Variants in STK38L observed in about 807,000 individuals in gnomAD.
STK38L encodes serine/threonine kinase 38 like, also known as serine/threonine-protein kinase 38-like.
A neutral mutation model predicts 59.7 loss-of-function variants in STK38L; 28 were observed. That is an observed-to-expected ratio of 0.47 (90% CI 0.35 to 0.64). The LOEUF (loss-of-function observed/expected upper bound fraction) is 0.64, where lower values mean the gene tolerates loss of function less well. STK38L is among the 30% of genes least tolerant of loss of function. STK38L has a pLI of 0.01. For synonymous variants in STK38L, 162 were observed against 176.8 expected, an observed-to-expected ratio of 0.92 and a Z score of 0.66; for missense variants, 314 against 555.8, an observed-to-expected ratio of 0.56 and a Z score of 4.37.
chr12:27,293,107 A>C (rs1031242753), intron 1 of STK38L, among the ~76,000 whole-genome samples: 5 of 152,192 alleles, frequency 3.3e-5, no homozygotes, highest in African/African-American at 1.2e-4. Context: ...ATGTGCCACC[A>C]TGCCTGGCTC....
chr12:27,268,268 T>G (rs796134356), intron 1 of STK38L, among the ~76,000 whole-genome samples: 22 of 152,162 alleles, frequency 1.4e-4, no homozygotes, highest in African/African-American at 4.6e-4. Flanking sequence ...CCCTCCCCCT[T>G]TCCCCCCACC....
rs769360568 is a variant in STK38L, at chr12:27,322,208, TC to T, written c.1244del (p.Pro415LeufsTer35). 6.2e-7 allele frequency: 1 copy of T among 1,613,822 alleles called. No individual in the cohort carries two copies. Among genetic ancestry groups the T allele is most frequent in the Non-Finnish European group, 8.5e-7 (1 of 1,179,940 alleles). On this transcript the variant is annotated frameshift_variant, in exon 13 of 14. Coordinates refer to ENST00000389032, the MANE Select transcript of STK38L (RefSeq NM_015000.4). LOFTEE classifies it low-confidence loss of function (END_TRUNC). Reference protein sequence around the residue: ...SIDDTSNFDDFPESDILQPVP... With the variant: ...SIDDTSNFDDXPESDILQPVP... ...GATGATACTTCAAATTTTGATGACTTCCCTGAATCTGATATTTTACAACCAG... is the reference window on the plus strand; with the variant it reads ...GATGATACTTCAAATTTTGATGACTTCCTGAATCTGATATTTTACAACCAG...
chr12:27,292,201 C>T (rs1441964508), intron 1 of STK38L, among the ~76,000 whole-genome samples: 11 of 152,176 alleles, frequency 7.2e-5, no homozygotes, highest in Non-Finnish European at 1.3e-4. Context: ...GTGTTAAATC[C>T]ATTAAAGGAA....
chr12:27,255,198 T>C (rs1943066322), intron 1 of STK38L, among the ~76,000 whole-genome samples: 1 of 152,156 alleles, frequency 6.6e-6, no homozygotes, highest in Admixed American at 6.5e-5. Context: ...AAGGGATGAA[T>C]AGCTGGGAAC....
intron 1 of STK38L, among the ~76,000 whole-genome samples, chr12:27,285,196 G>A (rs527782755): frequency 1.3e-5 from 2 of 152,024 alleles, no homozygotes; most frequent in Admixed American, 1.3e-4. Flanking sequence ...TTTCTTTCAG[G>A]GGGTGGTTTT....
At chr12:27,313,791 T>C (rs1163452301) in intron 6 of STK38L, among the ~76,000 whole-genome samples, 2 of 152,180 alleles carry the variant, frequency 1.3e-5, no homozygotes, top group African/African-American at 2.4e-5. Flanking sequence ...GTTAAAACTT[T>C]TAAAATTCCT....
chr12:27,308,683 G>T lies in STK38L; in HGVS notation c.309+222G>T, dbSNP rs950729476. ...AAAATACAAAAATTAGCTGGGCGTG[G>T]TGGTGGGCACCTGTAATCCCAGCTA... is the stretch of plus-strand genomic sequence containing the variant. On this transcript the variant is annotated intron_variant, in intron 4 of 13. Transcript: ENST00000389032. The surrounding 1 kb of genome is among the most constrained non-coding windows in gnomAD (Gnocchi z 4.5). 2.6e-5 allele frequency among the ~76,000 whole-genome samples: 4 copies of T among 151,730 alleles called. No individual in the cohort carries two copies. Among genetic ancestry groups the T allele is most frequent in the Admixed American group, 1.3e-4 (2 of 15,216 alleles).
chr12:27,249,940 T>G (rs1296124043), intron 1 of STK38L, among the ~76,000 whole-genome samples: 1 of 152,224 alleles, frequency 6.6e-6, no homozygotes, highest in Non-Finnish European at 1.5e-5. Context: ...TGGGACACTT[T>G]TACTGCTTTT....
rs367624705 is a variant in STK38L, at chr12:27,322,436, T to C, written c.1376T>C (p.Met459Thr). 1 of 1,613,008 alleles carries C rather than the reference T, an allele frequency of 6.2e-7. No homozygotes were observed. The highest frequency in any genetic ancestry group is 8.5e-7 in the Non-Finnish European group (1 of 1,179,704). ...LTQRGSIPTY[M>T]KAGKL ...CAACGTGGCTCTATCCCCACCTACA[T>C]GAAAGCTGGGAAGTTATGAATGAAG... Residue 459 changes from methionine (M) to threonine (T), a missense_variant, in exon 14 of 14, where the codon ATG (methionine) becomes ACG (threonine). By Grantham distance (81) the Met-to-Thr change is moderately conservative (BLOSUM62 -1). Around this residue, in one of 3 missense-constraint regions of STK38L, gnomAD observed 94 missense variants for 142.2 expected, o/e 0.66. Coordinates refer to ENST00000389032, the MANE Select transcript of STK38L (RefSeq NM_015000.4).
At chr12:27,310,772 G>A (rs1370825140) in intron 5 of STK38L, among the ~76,000 whole-genome samples, 2 of 152,160 alleles carry the variant, frequency 1.3e-5, no homozygotes, top group Non-Finnish European at 2.9e-5. Flanking sequence ...GGGAAGTTAA[G>A]GAGCCTCTGG....
intron 1 of STK38L, among the ~76,000 whole-genome samples, chr12:27,262,179 A>AATCTCC (rs35812802): frequency 6.6e-5 from 10 of 152,230 alleles, no homozygotes. Context: ...CAGAAATCTC[A>AATCTCC]CAATAGTCCC....
intron 1 of STK38L, among the ~76,000 whole-genome samples, chr12:27,278,352 A>T (rs1943580978): frequency 6.6e-6 from 1 of 152,204 alleles, no homozygotes; most frequent in Non-Finnish European, 1.5e-5. Flanking sequence ...GCCCACACTG[A>T]TCTTCCCCTG....
Position 27,325,519 on chromosome 12 carries a change from T to C in STK38L, c.*3064T>C, listed in dbSNP as rs1944820043. The C allele has an allele frequency of 6.6e-6, 1 of 152,140 alleles. No individual in the cohort carries two copies. Among genetic ancestry groups the C allele is most frequent in the Non-Finnish European group, 1.5e-5 (1 of 68,006 alleles). 9.4% of individuals were successfully genotyped at this position (152,140 alleles called of 1,614,324 possible). A position where few individuals can be genotyped will look rare whatever the true frequency, so the allele number is the denominator to read the frequency against. On this transcript the variant is annotated 3_prime_UTR_variant, in exon 14 of 14. Transcript: ENST00000389032. ...GAATTGAGAATTTAGTCCATAGAGG[T>C]CCCTGGCTACCAAACACATTCTCCT...
At chr12:27,274,001 T>TC (rs1943479261) in intron 1 of STK38L, among the ~76,000 whole-genome samples, 1 of 152,096 alleles carries the variant, frequency 6.6e-6, no homozygotes, top group Non-Finnish European at 1.5e-5. Context: ...ACGCCTGTAA[T>TC]CCCAGCACCT....
At position 27,325,269 on chromosome 12, in the gene STK38L, TAAA is replaced by T. The variant is rs1456720407; in HGVS notation, c.*2817_*2819del. On this transcript the variant is annotated 3_prime_UTR_variant, in exon 14 of 14. Transcript: ENST00000389032. ...TGAATGGAAAATAAGTGTGGAGTAT[TAAA>T]AATGTTCTTTGGTTGGTAAGGCCTA... 1.3e-5 allele frequency: 2 copies of T among 152,202 alleles called. No individual in the cohort carries two copies. Among genetic ancestry groups the T allele is most frequent in the Non-Finnish European group, 2.9e-5 (2 of 68,004 alleles). 9.4% of individuals were successfully genotyped at this position (152,202 alleles called of 1,614,324 possible).
chr12:27,297,611 C>A (rs1437576857), intron 1 of STK38L, 99 bp from the exon 2 acceptor site: 1 of 1,292,272 alleles, frequency 7.7e-7, no homozygotes, highest in South Asian at 1.6e-5. Flanking sequence ...CTGTTAGGGT[C>A]GAATTTTTCT....
At chr12:27,294,400 G>A (rs1342133325) in intron 1 of STK38L, among the ~76,000 whole-genome samples, 1 of 151,568 alleles carries the variant, frequency 6.6e-6, no homozygotes, top group Non-Finnish European at 1.5e-5. Flanking sequence ...TCAGCTACTC[G>A]GGAGGCTGAG....
intron 5 of STK38L, among the ~76,000 whole-genome samples, chr12:27,312,277 G>T (rs1944474112): frequency 6.6e-6 from 1 of 152,186 alleles, no homozygotes; most frequent in African/African-American, 2.4e-5. Flanking sequence ...TTAAAAAGTT[G>T]TTAGACTGAT....
At chr12:27,274,927 T>C (rs1943500853) in intron 1 of STK38L, among the ~76,000 whole-genome samples, 1 of 152,174 alleles carries the variant, frequency 6.6e-6, no homozygotes. Flanking sequence ...CCATTTTAGT[T>C]ATCTAATAAT....
Sources: gnomAD v4.1 joint callset for allele counts (sites outside exome capture counted in the v4.1 genomes callset) on GRCh38, gnomAD v4.1.1 for gene constraint, gnomAD v4.1.1 regional missense constraint, Gnocchi (gnomAD v3.1) non-coding constraint, MANE v1.5 for transcripts, NCBI Gene and HGNC (gene_info 2026-07-23, HGNC 2026-07-21) for gene names.